The following COL18A1 variants were observed in gnomAD, a reference collection of about 807,000 sequenced individuals.
The protein encoded by COL18A1 is collagen alpha-1(XVIII) chain.
Under a neutral mutation model 168.0 loss-of-function variants are expected in COL18A1, and 133 were observed. The ratio of observed to expected loss-of-function variants is 0.79; its 90% CI spans 0.69 to 0.91. COL18A1 has a LOEUF of 0.91. COL18A1 is among the 40% of genes least tolerant of loss of function. COL18A1 has a pLI of 0.00. For missense variants in COL18A1, 2,126 were observed against 1,925.4 expected (o/e 1.10, Z -1.95); for synonymous variants, 949 against 809.0 (o/e 1.17, Z -2.94).
Position 45,471,271 on chromosome 21 carries a change from C to T in COL18A1, c.651+2485C>T, listed in dbSNP as rs1288322779. ...AGGCCTCAGGTGTCAGGAACTTTCTCTTTGGGTCTTAGATGAGATTCCAGC... is the reference window on the plus strand; with the variant it reads ...AGGCCTCAGGTGTCAGGAACTTTCTTTTTGGGTCTTAGATGAGATTCCAGC... On this transcript the variant is annotated intron_variant, in intron 3 of 41. Coordinates refer to ENST00000651438, the MANE Select transcript of COL18A1 (RefSeq NM_001379500.1). This position sits in a 1 kb window ranked among gnomAD's most constrained non-coding sequence, Gnocchi z 4.4. Among the ~76,000 whole-genome samples, 1 of 152,178 alleles carries T rather than the reference C, an allele frequency of 6.6e-6. No individual in the cohort carries two copies. The highest frequency in any genetic ancestry group is 1.5e-5 in the Non-Finnish European group (1 of 68,028).
At chr21:45,482,086 C>G (rs2035918821) in intron 14 of COL18A1, 61 bp downstream of exon 14, 1 of 1,378,154 alleles carries the variant, frequency 7.3e-7, no homozygotes, top group Non-Finnish European at 1.0e-6. Context: ...TGGCCCGGGT[C>G]CGGGGGTGCC....
At chr21:45,493,766 G>A (rs982771506) in intron 26 of COL18A1, 191 bp downstream of exon 26, 5 of 598,566 alleles carry the variant, frequency 8.4e-6, no homozygotes, top group East Asian at 2.8e-5. Flanking sequence ...CCGGCCCCTC[G>A]TCCTCTCCCT....
chr21:45,499,657 G>A (rs1395734625), intron 32 of COL18A1, among the ~76,000 whole-genome samples: 12 of 151,972 alleles, frequency 7.9e-5, no homozygotes, highest in Non-Finnish European at 1.5e-4. Flanking sequence ...GTGTCCCATC[G>A]TCAGTGCAAT....
chr21:45,427,671 C>T (rs2033845108), intron 2 of COL18A1, among the ~76,000 whole-genome samples: 1 of 152,174 alleles, frequency 6.6e-6, no homozygotes, highest in South Asian at 2.1e-4. Flanking sequence ...TTGTGCGTAC[C>T]CTGGACTTTG....
At position 45,480,479 on chromosome 21, in the gene COL18A1, A is replaced by G. The variant is rs759635724; in HGVS notation, c.1411A>G (p.Met471Val). 8.1e-6 allele frequency: 13 copies of G among 1,613,948 alleles called. No homozygotes were observed. The highest frequency in any genetic ancestry group is 1.6e-4 in the Middle Eastern group (1 of 6,084). ...CTCTTTTCCTCAGACCTTCATTGAC[A>G]TGGAGGGATCTGGCTTCGGGGGCGA... is the stretch of plus-strand genomic sequence containing the variant. ...FRHDKLTFID[M>V]EGSGFGGDLE... Residue 471 changes from methionine (M) to valine (V), a missense_variant, in exon 12 of 42, where the codon ATG becomes GTG. By Grantham distance (21) the Met-to-Val change is conservative (BLOSUM62 1). Transcript: ENST00000651438.
At chr21:45,491,473 C>T (rs1568923350) in intron 22 of COL18A1, among the ~76,000 whole-genome samples, 159 bp downstream of exon 22, 1 of 151,774 alleles carries the variant, frequency 6.6e-6, no homozygotes. Context: ...CTGCAGACGC[C>T]CTCGGTCAGA....
intron 29 of COL18A1, chr21:45,496,295 C>T (rs1223157517): frequency 1.4e-6 from 1 of 713,174 alleles, no homozygotes; most frequent in African/African-American, 1.7e-5. Flanking sequence ...GTGCACGACT[C>T]CAGCGTGGGA....
intron 2 of COL18A1, chr21:45,407,553 T>C (rs545952915): frequency 1.9e-3 from 296 of 152,350 alleles, no homozygotes; most frequent in African/African-American, 6.6e-3. Context: ...TCTGGTGGAT[T>C]TGTGTGTGCG....
chr21:45,438,266 ACTCAGACACACAGG>A (rs2034260997), intron 2 of COL18A1, among the ~76,000 whole-genome samples: 7 of 116,024 alleles, frequency 6.0e-5, no homozygotes, highest in Admixed American at 8.2e-5. Flanking sequence ...ACACACTCAC[ACTCAGACACACAGG>A]CACTCTCCTG....
At chr21:45,445,618 T>C (rs1021874682) in intron 2 of COL18A1, among the ~76,000 whole-genome samples, 4 of 152,224 alleles carry the variant, frequency 2.6e-5, no homozygotes, top group Non-Finnish European at 5.9e-5. Context: ...CCATCACTTG[T>C]TTTTCTCTGA....
At chr21:45,452,496 T>C (rs886424174) in intron 2 of COL18A1, among the ~76,000 whole-genome samples, 2 of 148,158 alleles carry the variant, frequency 1.3e-5, no homozygotes, top group African/African-American at 2.5e-5. Context: ...TGTATGCATG[T>C]GTGTATTCAC....
In COL18A1 at chr21:45,476,053, G is replaced by A. The variant is rs113758907; in HGVS notation, c.799-298G>A. ...ACGGGTGCGGGAACGTGTTCCCTGC[G>A]GGGACCCTCTGCAGATTCACATCAG... On this transcript the variant is annotated intron_variant, in intron 5 of 41. Coordinates refer to ENST00000651438, the MANE Select transcript of COL18A1 (RefSeq NM_001379500.1). Among the ~76,000 whole-genome samples, 785 of 152,292 alleles carry A rather than the reference G, an allele frequency of 5.2e-3. 3 individuals are homozygous for A. The highest frequency in any genetic ancestry group is 0.018 in the African/African-American group (744 of 41,548).
intron 2 of COL18A1, among the ~76,000 whole-genome samples, chr21:45,439,807 A>G (rs2034319689): frequency 6.6e-6 from 1 of 150,852 alleles, no homozygotes. Context: ...TGCTCGGGAA[A>G]TGCCGCTCTC....
intron 2 of COL18A1, among the ~76,000 whole-genome samples, chr21:45,462,875 C>T (rs1030642747): frequency 6.6e-6 from 1 of 151,964 alleles, no homozygotes; most frequent in Non-Finnish European, 1.5e-5. Context: ...GAATTTTGCC[C>T]TTCACCAGCG....
intron 2 of COL18A1, among the ~76,000 whole-genome samples, chr21:45,426,136 G>T (rs112331505): frequency 2.9e-4 from 44 of 152,004 alleles, no homozygotes; most frequent in African/African-American, 1.0e-3. Flanking sequence ...ACAGAGTCTC[G>T]CTCTGTCGCC....
intron 2 of COL18A1, among the ~76,000 whole-genome samples, chr21:45,452,003 A>G (rs1160201146): frequency 6.6e-6 from 1 of 152,120 alleles, no homozygotes; most frequent in African/African-American, 2.4e-5. Context: ...CTGAGGCCGC[A>G]CTCACCCCAG....
At position 45,455,503 on chromosome 21, in the gene COL18A1, C is replaced by T. The variant is rs75503020; in HGVS notation, c.107-12739C>T. The stretch of plus-strand genomic sequence containing the variant: ...CCTCCAGGCACAGAGGCCCTCCCGC[C>T]GCCCGCAGCTCCAGCCGCACTGCCC... On this transcript the variant is annotated intron_variant, in intron 2 of 41. Coordinates refer to ENST00000651438, the MANE Select transcript of COL18A1 (RefSeq NM_001379500.1). 158 of 1,610,112 alleles carry T rather than the reference C, an allele frequency of 9.8e-5. No homozygotes were observed. The East Asian group carries it at 1.2e-3, about 12-fold the overall frequency.
chr21:45,422,514 C>T, intron 2 of COL18A1: 1 of 524,672 alleles, frequency 1.9e-6, no homozygotes, highest in South Asian at 1.4e-5. Flanking sequence ...GGCTGCCTGG[C>T]CTGACGCACC....
intron 2 of COL18A1, among the ~76,000 whole-genome samples, chr21:45,461,718 G>A (rs940595421): frequency 2.0e-5 from 3 of 152,202 alleles, no homozygotes; most frequent in African/African-American, 7.2e-5. Flanking sequence ...GATCCCACAT[G>A]TGAGATCATG....
Sources: allele counts gnomAD v4.1 joint callset (sites outside exome capture counted in the v4.1 genomes callset), GRCh38; gene constraint gnomAD v4.1.1; non-coding constraint Gnocchi (gnomAD v3.1); transcripts MANE v1.5; gene names NCBI Gene and HGNC (gene_info 2026-07-23, HGNC 2026-07-21).